The following PPP1R3A variants were observed in gnomAD, a reference collection of about 807,000 sequenced individuals.
The protein encoded by PPP1R3A is RG1.
In PPP1R3A, 29 loss-of-function variants were observed where a neutral mutation model predicts 41.7. The observed-to-expected ratio is 0.70, with a 90% CI of 0.52 to 0.95. The LOEUF (loss-of-function observed/expected upper bound fraction) is 0.95, where lower values mean the gene tolerates loss of function less well. Ranked by LOEUF, PPP1R3A falls within the 40% of genes least tolerant of loss-of-function variation. The pLI, the probability that PPP1R3A is intolerant of heterozygous loss-of-function variation, is 0.00. For missense variants in PPP1R3A, 1,352 were observed against 1,292.4 expected (o/e 1.05, Z -0.71); for synonymous variants, 485 against 453.4 (o/e 1.07, Z -0.89).
At chr7:113,888,209 C>T (rs1189641009) in intron 1 of PPP1R3A, among the ~76,000 whole-genome samples, 1 of 152,000 alleles carries the variant, frequency 6.6e-6, no homozygotes, top group East Asian at 1.9e-4. Context: ...ACTTTTTAAC[C>T]AGTGGCATGG....
rs1253686510 is a variant in PPP1R3A at position 113,879,072 on chromosome 7, CTGTTA to C, written c.2015_2019del (p.Ile672ArgfsTer10). The C allele has an allele frequency of 9.3e-6, 15 of 1,613,738 alleles. No individual in the cohort carries two copies. The highest frequency in any genetic ancestry group is 1.3e-5 in the African/African-American group (1 of 74,986). ...CAATCTGTTTGTCCTTTGATATGCT[CTGTTA>C]TGTTTGTCTTATTCTCTCTTGATTT... On this transcript the variant is annotated frameshift_variant, in exon 4 of 4. Coordinates refer to ENST00000284601, the MANE Select transcript of PPP1R3A (RefSeq NM_002711.4). LOFTEE classifies it low-confidence loss of function (END_TRUNC).
chr7:113,917,642 G>A (rs1797362757), intron 1 of PPP1R3A, among the ~76,000 whole-genome samples: 1 of 151,894 alleles, frequency 6.6e-6, no homozygotes, highest in South Asian at 2.1e-4. Context: ...ATATATCACT[G>A]ATATACTTAT....
Position 113,918,862 on chromosome 7 carries a change from A to T in PPP1R3A, c.135T>A (p.Gly45=). The T allele has an allele frequency of 1.9e-6, 3 of 1,613,790 alleles. No individual in the cohort carries two copies. Among genetic ancestry groups the T allele is most frequent in the Non-Finnish European group, 2.5e-6 (3 of 1,179,802 alleles). The change falls in exon 1 of 4, where the codon GGT becomes GGA. Residue 45 remains glycine, a synonymous_variant. Coordinates refer to ENST00000284601, the MANE Select transcript of PPP1R3A (RefSeq NM_002711.4). ...GGTATATGTCTTCAGAAGAATCAGAACCTCGTCTACTTGGTTGAGGGGAGA... is the reference window on the plus strand; with the variant it reads ...GGTATATGTCTTCAGAAGAATCAGATCCTCGTCTACTTGGTTGAGGGGAGA... The part of the protein sequence containing the change: ...PGFSPQPSRR[G]SDSSEDIYLD...
Position 113,877,498 on chromosome 7 carries a change from G to A in PPP1R3A, c.*225C>T, listed in dbSNP as rs970682890. On this transcript the variant is annotated 3_prime_UTR_variant, in exon 4 of 4. Transcript: ENST00000284601. The stretch of plus-strand genomic sequence containing the variant: ...CAGCTGTACCTAATTTCAACTTGAC[G>A]TGCTTCAGATCTCATATTCATATAG... 46 of 408,880 alleles carry A rather than the reference G, an allele frequency of 1.1e-4. No homozygotes were observed. Among genetic ancestry groups the A allele is most frequent in the Non-Finnish European group, 1.6e-4 (38 of 235,476 alleles). The allele number at this position is 408,880 out of a possible 1,614,324, so 25.3% of individuals were successfully genotyped here.
intron 1 of PPP1R3A, among the ~76,000 whole-genome samples, chr7:113,914,324 C>T (rs1797303863): frequency 6.6e-6 from 1 of 152,112 alleles, no homozygotes; most frequent in South Asian, 2.1e-4. Context: ...GTAAACTTTA[C>T]TGAAATTAAT....
At chr7:113,885,984 G>T (rs140320055) in intron 1 of PPP1R3A, among the ~76,000 whole-genome samples, 2 of 148,976 alleles carry the variant, frequency 1.3e-5, no homozygotes, top group Non-Finnish European at 1.5e-5. Flanking sequence ...ACATATATAG[G>T]TAGTTTTTAG....
intron 1 of PPP1R3A, among the ~76,000 whole-genome samples, chr7:113,890,317 G>A (rs191971932): frequency 1.3e-5 from 2 of 152,236 alleles, no homozygotes; most frequent in East Asian, 1.9e-4. Context: ...GCATCTCTGA[G>A]TGGGCAGTGG....
At chr7:113,880,164 G>A in intron 3 of PPP1R3A, 39 bp from the exon 4 acceptor site, 2 of 1,522,482 alleles carry the variant, frequency 1.3e-6, no homozygotes. Context: ...ATGACCATAA[G>A]ATCTTTTAAA....
intron 1 of PPP1R3A, among the ~76,000 whole-genome samples, chr7:113,899,000 A>T (rs1331725734): frequency 6.6e-6 from 1 of 151,812 alleles, no homozygotes; most frequent in African/African-American, 2.4e-5. Context: ...TTCCCAGTCT[A>T]TGGAAGGATA....
chr7:113,916,248 A>G (rs777405170), intron 1 of PPP1R3A, among the ~76,000 whole-genome samples: 1 of 152,088 alleles, frequency 6.6e-6, no homozygotes, highest in Non-Finnish European at 1.5e-5. Flanking sequence ...GAAACTTTAC[A>G]GGCCTTCAGA....
Position 113,882,190 on chromosome 7 carries a change from T to C in PPP1R3A, c.842-27A>G, listed in dbSNP as rs1796705002. The C allele has an allele frequency of 1.9e-6, 3 of 1,606,670 alleles. No individual in the cohort carries two copies. The African/African-American group carries it at 4.0e-5, about 21-fold the overall frequency. On this transcript the variant is annotated intron_variant, in intron 2 of 3. Transcript: ENST00000284601. ...TGAAAAGTTAATATAATTGTGCCTA[T>C]GTAAGATTGTTTTAATTGTAGACTT...
intron 1 of PPP1R3A, among the ~76,000 whole-genome samples, chr7:113,885,890 A>G (rs1416329724): frequency 6.7e-6 from 1 of 148,464 alleles, no homozygotes; most frequent in East Asian, 2.0e-4. Flanking sequence ...TAAATATGTT[A>G]AATATTATAT....
chr7:113,885,348 C>A (rs929302329), intron 1 of PPP1R3A, among the ~76,000 whole-genome samples: 1 of 152,034 alleles, frequency 6.6e-6, no homozygotes, highest in Non-Finnish European at 1.5e-5. Context: ...CACCTGGCCC[C>A]CAGGCTTTCT....
At chr7:113,915,788 T>C (rs1344366039) in intron 1 of PPP1R3A, among the ~76,000 whole-genome samples, 1 of 151,868 alleles carries the variant, frequency 6.6e-6, no homozygotes, top group Admixed American at 6.6e-5. Context: ...AAGTATTAGT[T>C]CATTTTTATT....
intron 1 of PPP1R3A, among the ~76,000 whole-genome samples, chr7:113,885,559 T>G (rs943461016): frequency 6.6e-6 from 1 of 152,046 alleles, no homozygotes; most frequent in East Asian, 1.9e-4. Context: ...GGAATGTCCA[T>G]AGTGTCATTG....
chr7:113,913,141 C>A (rs1337214454), intron 1 of PPP1R3A, among the ~76,000 whole-genome samples: 1 of 152,074 alleles, frequency 6.6e-6, no homozygotes, highest in Admixed American at 6.6e-5. Context: ...CTTAAACAGA[C>A]CCAGCTTCCA....
chr7:113,877,666 A>G lies in PPP1R3A; in HGVS notation c.*57T>C, dbSNP rs1354442389. 4 of 1,492,002 alleles carry G rather than the reference A, an allele frequency of 2.7e-6. No individual in the cohort carries two copies. Among genetic ancestry groups the G allele is most frequent in the Admixed American group, 2.3e-5 (1 of 43,728 alleles). 92.4% of individuals were successfully genotyped at this position (1,492,002 alleles called of 1,614,324 possible). ...GAACAATGAATAGTCCCATTCACCA[A>G]TCCAAATGTTTGGGGTTAAATAGCT... is the stretch of plus-strand genomic sequence containing the variant. On this transcript the variant is annotated 3_prime_UTR_variant, in exon 4 of 4. Transcript: ENST00000284601.
chr7:113,899,886 A>G (rs1457935201), intron 1 of PPP1R3A, among the ~76,000 whole-genome samples: 1 of 151,790 alleles, frequency 6.6e-6, no homozygotes, highest in African/African-American at 2.4e-5. Context: ...GACCTTTAGT[A>G]AAAATACTCT....
chr7:113,918,899 A>T lies in PPP1R3A; in HGVS notation c.98T>A (p.Phe33Tyr). 6.2e-7 allele frequency: 1 copy of T among 1,613,304 alleles called. No homozygotes were observed. The highest frequency in any genetic ancestry group is 1.1e-5 in the South Asian group (1 of 91,042). The change falls in exon 1 of 4, where the codon TTC becomes TAC. Residue 33 changes from phenylalanine (F) to tyrosine (Y), a missense_variant. Physicochemically the swap from Phe to Tyr is conservative, Grantham distance 22. Transcript: ENST00000284601. ...DSLCEDEEVT[F>Y]QPGFSPQPSR... The stretch of plus-strand genomic sequence containing the variant: ...TGGTTGAGGGGAGAAACCAGGTTGG[A>T]AAGTAACTTCTTCATCTTCACAAAG...
Sources: gnomAD v4.1 joint callset for allele counts (sites outside exome capture counted in the v4.1 genomes callset) on GRCh38, gnomAD v4.1.1 for gene constraint, MANE v1.5 for transcripts, NCBI Gene and HGNC (gene_info 2026-07-23, HGNC 2026-07-21) for gene names.